The following CTNNA3 variants were observed in gnomAD, a reference collection of about 807,000 sequenced individuals.
CTNNA3 encodes catenin alpha-3.
CTNNA3 carries 76 observed loss-of-function variants against 95.7 expected under a neutral mutation model. The ratio of observed to expected loss-of-function variants is 0.79; its 90% CI spans 0.66 to 0.96. The LOEUF (loss-of-function observed/expected upper bound fraction) is 0.96, where lower values mean the gene tolerates loss of function less well. Ranked by LOEUF, CTNNA3 falls within the 40% of genes least tolerant of loss-of-function variation. CTNNA3 has a pLI of 0.00. For synonymous variants in CTNNA3, 431 were observed against 374.4 expected, an observed-to-expected ratio of 1.15 and a Z score of -1.74; for missense variants, 1,191 against 1,089.8, an observed-to-expected ratio of 1.09 and a Z score of -1.31.
chr10:66,659,181 A>AACACACAC lies in CTNNA3; in HGVS notation c.1282-37405_1282-37398dup, dbSNP rs10565151. Among the ~76,000 whole-genome samples, 1,256 of 145,638 alleles carry AACACACAC rather than the reference A, an allele frequency of 8.6e-3. 30 individuals carry two copies. The highest frequency in any genetic ancestry group is 0.066 in the East Asian group (324 of 4,934). On this transcript the variant is annotated intron_variant, in intron 9 of 17. Transcript: ENST00000433211. Reference sequence around the variant, plus strand: ...TAGGGAGACAAAAAATAATTAAGAAAACACACACACACACACACACACACA... The same window carrying AACACACAC: ...TAGGGAGACAAAAAATAATTAAGAAAACACACACACACACACACACACACACACACACA...
chr10:66,999,337 C>A (rs577049667), intron 7 of CTNNA3, among the ~76,000 whole-genome samples: 19 of 152,054 alleles, frequency 1.2e-4, no homozygotes, highest in African/African-American at 4.6e-4. Context: ...TTATCATGGG[C>A]CTTCTGCCTA....
At chr10:66,999,792 A>T (rs1337369090) in intron 7 of CTNNA3, among the ~76,000 whole-genome samples, 2 of 152,182 alleles carry the variant, frequency 1.3e-5, no homozygotes, top group Non-Finnish European at 2.9e-5. Context: ...TCACTGACAG[A>T]TTACTTGACC....
intron 7 of CTNNA3, among the ~76,000 whole-genome samples, chr10:67,145,336 G>C (rs1023010316): frequency 6.6e-6 from 1 of 152,046 alleles, no homozygotes; most frequent in African/African-American, 2.4e-5. Flanking sequence ...CCCTATTCCT[G>C]AATCAGTTAA....
At chr10:66,350,035 C>T (rs1010006107) in intron 12 of CTNNA3, among the ~76,000 whole-genome samples, 1 of 152,074 alleles carries the variant, frequency 6.6e-6, no homozygotes, top group Non-Finnish European at 1.5e-5. Context: ...AGCAACGTAA[C>T]ACATTGGTGA....
chr10:66,395,245 CACAAAAATTGTCAGA>C (rs1217938483), intron 11 of CTNNA3, among the ~76,000 whole-genome samples: 1 of 151,924 alleles, frequency 6.6e-6, no homozygotes, highest in African/African-American at 2.4e-5. Context: ...CTCAGAGGTG[CACAAAAATTGTCAGA>C]ACAGATCCCT....
intron 5 of CTNNA3, among the ~76,000 whole-genome samples, chr10:67,290,505 C>T (rs939120101): frequency 6.6e-5 from 10 of 152,096 alleles, no homozygotes; most frequent in Non-Finnish European, 2.9e-5. Flanking sequence ...ATTTATGCAA[C>T]TTTTCTATGT....
intron 13 of CTNNA3, among the ~76,000 whole-genome samples, chr10:66,132,919 G>A (rs1054432228): frequency 6.6e-6 from 1 of 152,034 alleles, no homozygotes; most frequent in African/African-American, 2.4e-5. Flanking sequence ...GTGGCAGGAG[G>A]GAGAGGATCA....
At chr10:66,836,773 A>G (rs1414449273) in intron 7 of CTNNA3, among the ~76,000 whole-genome samples, 4 of 152,198 alleles carry the variant, frequency 2.6e-5, no homozygotes, top group African/African-American at 9.6e-5. Context: ...GGAAAAAAAC[A>G]GATTCCTCTT....
At chr10:66,148,796 G>GT (rs1331782493) in intron 13 of CTNNA3, among the ~76,000 whole-genome samples, 1 of 151,924 alleles carries the variant, frequency 6.6e-6, no homozygotes, top group African/African-American at 2.4e-5. Flanking sequence ...ATGTGTGTAT[G>GT]TATTTATAAA....
intron 1 of CTNNA3, among the ~76,000 whole-genome samples, chr10:67,734,417 G>T (rs1394030694): frequency 6.6e-6 from 1 of 152,030 alleles, no homozygotes; most frequent in Middle Eastern, 3.2e-3. Context: ...CTCCAGTAGG[G>T]TGAATAAAAA....
intron 1 of CTNNA3, among the ~76,000 whole-genome samples, chr10:67,727,364 A>C (rs1365120887): frequency 7.5e-6 from 1 of 132,500 alleles, no homozygotes; most frequent in Non-Finnish European, 1.6e-5. Context: ...ATATACATAT[A>C]TGTATATATG....
In CTNNA3 at chr10:66,255,650, A is replaced by T. The variant is rs144834378; in HGVS notation, c.1884+24820T>A. Among the ~76,000 whole-genome samples the T allele has an allele frequency of 5.8e-3, 882 of 152,216 alleles. 8 individuals are homozygous for T. The highest frequency in any genetic ancestry group is 0.024 in the Middle Eastern group (7 of 294). ...CAATCATCACCCTCTCCCCATAAAC[A>T]GATACTTTATCCTCCTCATATACTT... On this transcript the variant is annotated intron_variant, in intron 13 of 17. Coordinates refer to ENST00000433211, the MANE Select transcript of CTNNA3 (RefSeq NM_013266.4).
chr10:66,344,042 C>A (rs2092479060), intron 12 of CTNNA3, among the ~76,000 whole-genome samples: 1 of 151,302 alleles, frequency 6.6e-6, no homozygotes, highest in African/African-American at 2.4e-5. Flanking sequence ...GCTTGACCAA[C>A]ATGGTGAAAC....
At chr10:66,767,398 A>T (rs1839910479) in intron 8 of CTNNA3, among the ~76,000 whole-genome samples, 1 of 151,148 alleles carries the variant, frequency 6.6e-6, no homozygotes, top group Non-Finnish European at 1.5e-5. Context: ...GTGAGCTGAG[A>T]TCGCACCACT....
rs140090854 is a variant in CTNNA3 at position 66,650,730 on chromosome 10, C to T, written c.1282-28946G>A. On this transcript the variant is annotated intron_variant, in intron 9 of 17. Transcript: ENST00000433211. ...TGAGTGTCACAGCTCTTAAAGGCGGCGCATCTGGAGTTGTTCCTTCCTCCC... is the reference window on the plus strand; with the variant it reads ...TGAGTGTCACAGCTCTTAAAGGCGGTGCATCTGGAGTTGTTCCTTCCTCCC... Among the ~76,000 whole-genome samples the T allele has an allele frequency of 2.3e-3, 346 of 151,832 alleles. 3 individuals carry two copies. Among genetic ancestry groups the T allele is most frequent in the Middle Eastern group, 6.8e-3 (2 of 292 alleles).
upstream of CTNNA3, among the ~76,000 whole-genome samples, chr10:67,698,178 T>C (rs978740083): frequency 3.8e-4 from 58 of 152,086 alleles, no homozygotes; most frequent in African/African-American, 1.3e-3. Flanking sequence ...CTTTGCAAAC[T>C]TTAAAATTTT....
At chr10:67,278,101 G>A (rs1178188472) in intron 5 of CTNNA3, among the ~76,000 whole-genome samples, 1 of 152,110 alleles carries the variant, frequency 6.6e-6, no homozygotes, top group Non-Finnish European at 1.5e-5. Context: ...TTGGGGTCTG[G>A]ATTGGGACCC....
chr10:67,750,885 C>T, intron 1 of CTNNA3: 2 of 1,610,956 alleles, frequency 1.2e-6, no homozygotes, highest in Admixed American at 3.3e-5. Context: ...AGTACTGCCA[C>T]TCCAAGGGCA....
intron 12 of CTNNA3, among the ~76,000 whole-genome samples, chr10:66,305,725 A>G (rs914006462): frequency 6.6e-6 from 1 of 152,208 alleles, no homozygotes; most frequent in South Asian, 2.1e-4. Context: ...GCAATTATCA[A>G]TGACAACTCT....
Sources: allele counts gnomAD v4.1 joint callset (sites outside exome capture counted in the v4.1 genomes callset), GRCh38; gene constraint gnomAD v4.1.1; transcripts MANE v1.5; gene names NCBI Gene and HGNC (gene_info 2026-07-23, HGNC 2026-07-21).